FSTL4: variants seen among roughly 807,000 people sequenced by gnomAD.
FSTL4 encodes follistatin-related protein 4.
In FSTL4, 28 loss-of-function variants were observed where a neutral mutation model predicts 78.2. The observed-to-expected ratio is 0.36, with a 90% CI of 0.27 to 0.49. FSTL4 has a LOEUF of 0.49. FSTL4 is among the 20% of genes least tolerant of loss of function. The pLI is 0.98. For synonymous variants in FSTL4, 422 were observed against 440.5 expected, an observed-to-expected ratio of 0.96 and a Z score of 0.53; for missense variants, 922 against 1,084.9, an observed-to-expected ratio of 0.85 and a Z score of 2.11.
chr5:133,703,187 A>G, the FSTL4 span, among the ~76,000 whole-genome samples: 1 of 152,250 alleles, frequency 6.6e-6, no homozygotes, highest in East Asian at 1.9e-4. Context: ...GAAAATTACT[A>G]TACAGTAAAA....
At chr5:133,680,081 T>C in the FSTL4 span, among the ~76,000 whole-genome samples, 3 of 152,202 alleles carry the variant, frequency 2.0e-5, no homozygotes, top group Admixed American at 1.3e-4. Flanking sequence ...TCATAAAACC[T>C]GATCATGTCA....
chr5:133,615,998 A>G (rs1761191566), upstream of FSTL4, among the ~76,000 whole-genome samples: 1 of 152,226 alleles, frequency 6.6e-6, no homozygotes, highest in Admixed American at 6.5e-5. Flanking sequence ...GCAAATTCCC[A>G]GCAAACTCAC....
chr5:133,712,001 G>A, the FSTL4 span, among the ~76,000 whole-genome samples: 5 of 152,082 alleles, frequency 3.3e-5, no homozygotes, highest in African/African-American at 4.8e-5. Context: ...AAGGTCACAC[G>A]GCTACAAAAT....
At position 133,271,804 on chromosome 5, in the gene FSTL4, C is replaced by T. The variant is rs544966844; in HGVS notation, c.728-22228G>A. ...ATTACCTGGGTTATCTCTGAGCAGG[C>T]GGGGGATGAACTGCATAAGGAAGTT... On this transcript the variant is annotated intron_variant, in intron 6 of 15. Coordinates refer to ENST00000265342, the MANE Select transcript of FSTL4 (RefSeq NM_015082.2). 1.2e-4 allele frequency among the ~76,000 whole-genome samples: 18 copies of T among 152,254 alleles called. No individual in the cohort carries two copies. The South Asian group carries it at 3.1e-3, about 26-fold the overall frequency.
At chr5:133,456,882 C>G (rs1757504712) in intron 3 of FSTL4, among the ~76,000 whole-genome samples, 1 of 152,150 alleles carries the variant, frequency 6.6e-6, no homozygotes, top group Non-Finnish European at 1.5e-5. Context: ...AGAGGATGCC[C>G]CAGGAAACCT....
At chr5:133,384,377 A>T (rs1455542239) in intron 4 of FSTL4, among the ~76,000 whole-genome samples, 1 of 152,218 alleles carries the variant, frequency 6.6e-6, no homozygotes, top group Non-Finnish European at 1.5e-5. Context: ...CTTTCCCAGG[A>T]CTGTTCAGGG....
rs540627995 is a variant in FSTL4 at position 133,494,560 on chromosome 5, T to A, written c.160+72626A>T. 3.9e-5 allele frequency among the ~76,000 whole-genome samples: 6 copies of A among 152,340 alleles called. No individual in the cohort carries two copies. In the South Asian group the frequency reaches 1.0e-3, roughly 26 times the overall value. On this transcript the variant is annotated intron_variant, in intron 3 of 15. Transcript: ENST00000265342. ...GATATCCTGCCACCACAGAATACAC[T>A]GAGAGGCAGTAATTTTTGAAGATAA...
chr5:133,577,743 A>G (rs1760315055), intron 2 of FSTL4, among the ~76,000 whole-genome samples: 1 of 152,128 alleles, frequency 6.6e-6, no homozygotes, highest in Admixed American at 6.5e-5. Flanking sequence ...CCTCTCTACA[A>G]AAAAATATGA....
intron 3 of FSTL4, among the ~76,000 whole-genome samples, chr5:133,553,039 A>G (rs1561466857): frequency 2.6e-5 from 4 of 152,312 alleles, no homozygotes; most frequent in East Asian, 1.9e-4. Flanking sequence ...CCTGTGCTCC[A>G]ACTGCAGCGG....
intron 4 of FSTL4, among the ~76,000 whole-genome samples, chr5:133,344,705 G>A (rs1754658050): frequency 6.6e-6 from 1 of 152,090 alleles, no homozygotes; most frequent in Non-Finnish European, 1.5e-5. Context: ...ATATCTCTGA[G>A]GTCTTCCAGT....
intron 3 of FSTL4, among the ~76,000 whole-genome samples, chr5:133,423,701 G>A (rs1250659943): frequency 6.6e-6 from 1 of 152,160 alleles, no homozygotes; most frequent in Non-Finnish European, 1.5e-5. Context: ...GATGGCGATC[G>A]GGGTGGTGAC....
chr5:133,276,297 T>G (rs1322223082), intron 6 of FSTL4, among the ~76,000 whole-genome samples: 1 of 152,122 alleles, frequency 6.6e-6, no homozygotes, highest in Non-Finnish European at 1.5e-5. Flanking sequence ...TGGACCCCAG[T>G]GGAGAGGGAG....
At chr5:133,504,811 G>A (rs1332209276) in intron 3 of FSTL4, among the ~76,000 whole-genome samples, 2 of 152,204 alleles carry the variant, frequency 1.3e-5, no homozygotes, top group Non-Finnish European at 2.9e-5. Context: ...AGACTAGTCA[G>A]GTGCCCACAG....
chr5:133,343,185 C>T (rs1315293551), intron 4 of FSTL4, among the ~76,000 whole-genome samples: 4 of 152,146 alleles, frequency 2.6e-5, no homozygotes, highest in African/African-American at 7.2e-5. Flanking sequence ...AAGCAGGGTG[C>T]GGATTCCCTT....
chr5:133,708,626 C>A, the FSTL4 span, among the ~76,000 whole-genome samples: 1 of 152,190 alleles, frequency 6.6e-6, no homozygotes, highest in Non-Finnish European at 1.5e-5. Context: ...AGGGGACAGT[C>A]ACAACCCCGG....
the FSTL4 span, among the ~76,000 whole-genome samples, chr5:133,805,559 A>G: frequency 1.3e-5 from 2 of 152,186 alleles, no homozygotes; most frequent in Non-Finnish European, 2.9e-5. Context: ...CTTTTCAGTA[A>G]AAAGAAAATA....
chr5:133,376,575 T>C (rs1448081651), intron 4 of FSTL4, among the ~76,000 whole-genome samples: 1 of 152,190 alleles, frequency 6.6e-6, no homozygotes, highest in Non-Finnish European at 1.5e-5. Flanking sequence ...ACCCAACCGG[T>C]TAAAGTATCT....
intron 6 of FSTL4, among the ~76,000 whole-genome samples, chr5:133,269,689 A>G (rs1331617373): frequency 1.3e-5 from 2 of 152,154 alleles, no homozygotes; most frequent in African/African-American, 4.8e-5. Flanking sequence ...TGTCTGCTCC[A>G]TGTAAGGGGT....
chr5:133,404,894 G>A (rs542546908), intron 3 of FSTL4, among the ~76,000 whole-genome samples: 13 of 152,282 alleles, frequency 8.5e-5, no homozygotes, highest in Admixed American at 6.5e-4. Flanking sequence ...CTCTGTAACC[G>A]CTTCCTGGGC....
Sources: gnomAD v4.1 joint callset for allele counts (sites outside exome capture counted in the v4.1 genomes callset) on GRCh38, gnomAD v4.1.1 for gene constraint, MANE v1.5 for transcripts, NCBI Gene and HGNC (gene_info 2026-07-23, HGNC 2026-07-21) for gene names.